MAP7D2: variants seen among roughly 807,000 people sequenced by gnomAD.
The protein encoded by MAP7D2 is MAP7 domain-containing protein 2.
In MAP7D2, 33 loss-of-function variants were observed where a neutral mutation model predicts 63.5. The observed-to-expected ratio is 0.52, with a 90% confidence interval of 0.39 to 0.70. MAP7D2 has a LOEUF of 0.70. Ranked by LOEUF, MAP7D2 falls within the 30% of genes least tolerant of loss-of-function variation. MAP7D2 has a pLI of 0.00. For synonymous variants in MAP7D2, 224 were observed against 223.7 expected, an observed-to-expected ratio of 1.00 and a Z score of -0.01; for missense variants, 626 against 604.0, an observed-to-expected ratio of 1.04 and a Z score of -0.38.
At chrX:20,044,315 G>C (rs376906184) in intron 7 of MAP7D2, 49 bp downstream of exon 7, 1 of 1,158,583 alleles carries the variant, frequency 8.6e-7, no homozygotes, top group Non-Finnish European at 1.2e-6. Flanking sequence ...CACACCATCA[G>C]ACAGAACACA....
At position 20,054,613 on chromosome X, in the gene MAP7D2, G is replaced by C. The variant is rs192877360; in HGVS notation, c.485-1625C>G. On this transcript the variant is annotated intron_variant, in intron 4 of 16. Coordinates refer to ENST00000379643, the MANE Select transcript of MAP7D2 (RefSeq NM_001168465.2). ...TTTTTTCTTTTTTTTTCAAGACAGA[G>C]TCTTGCTCCGTTGCCCAGGCTGGAG... Among the ~76,000 whole-genome samples the C allele has an allele frequency of 4.3e-3, 474 of 109,754 alleles. 4 individuals carry two copies. Among genetic ancestry groups the C allele is most frequent in the African/African-American group, 0.015 (455 of 30,119 alleles).
At chrX:20,030,812 G>C (rs2074023916) in intron 8 of MAP7D2, among the ~76,000 whole-genome samples, 3 of 111,395 alleles carry the variant, frequency 2.7e-5, no homozygotes, top group Non-Finnish European at 5.6e-5. Context: ...AGTAATCAAA[G>C]TTAATATCAC....
At chrX:20,103,937 A>G (rs2066501731) in intron 1 of MAP7D2, among the ~76,000 whole-genome samples, 1 of 111,973 alleles carries the variant, frequency 8.9e-6, no homozygotes, top group Non-Finnish European at 1.9e-5. Flanking sequence ...ACTATGTACC[A>G]CAAAGGACAT....
At position 20,011,019 on chromosome X, in the gene MAP7D2, C is replaced by T. The variant is rs1194709199; in HGVS notation, c.2106G>A (p.Pro702=). Residue 702 remains proline (P), a synonymous_variant, in exon 16 of 17, where the codon CCG becomes CCA. Coordinates refer to ENST00000379643, the MANE Select transcript of MAP7D2 (RefSeq NM_001168465.2). ...TCATTTCACTCACTGGTGAAAATTC[C>T]GGGATAGAGATAAGCTCTTCTTTTG... is the stretch of plus-strand genomic sequence containing the variant. ...PVSKEELISI[P]EFSPVSEMIP... 1.7e-6 allele frequency: 2 copies of T among 1,209,662 alleles called. No homozygotes were observed. Among genetic ancestry groups the T allele is most frequent in the Admixed American group, 2.2e-5 (1 of 45,928 alleles).
At chrX:20,111,480 C>T (rs903799925) in intron 1 of MAP7D2, among the ~76,000 whole-genome samples, 1 of 111,439 alleles carries the variant, frequency 9.0e-6, no homozygotes, top group Non-Finnish European at 1.9e-5. Context: ...ACCTCTAATG[C>T]ATGAAGACCC....
intron 4 of MAP7D2, among the ~76,000 whole-genome samples, chrX:20,055,455 G>T (rs1318351095): frequency 8.9e-6 from 1 of 111,886 alleles, no homozygotes; most frequent in Admixed American, 9.5e-5. Flanking sequence ...AAAGATCTGA[G>T]TGTGCAAAAA....
At chrX:20,045,602 C>T (rs1412928783) in intron 6 of MAP7D2, among the ~76,000 whole-genome samples, 1 of 103,387 alleles carries the variant, frequency 9.7e-6, no homozygotes, top group African/African-American at 3.5e-5. Flanking sequence ...TATGCTGATT[C>T]TTCCAAGTTC....
At chrX:20,053,128 C>T (rs1387268156) in intron 4 of MAP7D2, 140 bp from the exon 5 acceptor site, 2 of 462,593 alleles carry the variant, frequency 4.3e-6, no homozygotes, top group Non-Finnish European at 7.6e-6. Context: ...TTTCATCATC[C>T]TGGCATCTCA....
rs200491241 is a variant in MAP7D2 at position 20,056,715 on chromosome X, C to T, written c.449G>A (p.Gly150Glu). ...QLELKKKYSW[G>E]APLAIGPGGH... is the part of the protein sequence containing the mutation. The stretch of plus-strand genomic sequence containing the variant: ...TCCGGGTCCAATGGCCAGTGGTGCT[C>T]CCCACGAATACTTCTTTTTCAGCTC... The change falls in exon 4 of 17, where the codon GGA (glycine) becomes GAA (glutamate). Residue 150 changes from glycine to glutamate, a missense_variant. By Grantham distance (98) the Gly-to-Glu change is moderately conservative. Transcript: ENST00000379643. 2 of 1,209,763 alleles carry T rather than the reference C, an allele frequency of 1.7e-6. No homozygotes were observed. Among genetic ancestry groups the T allele is most frequent in the East Asian group, 3.0e-5 (1 of 33,758 alleles).
intron 1 of MAP7D2, among the ~76,000 whole-genome samples, chrX:20,094,493 T>C (rs1483114564): frequency 4.0e-4 from 7 of 17,512 alleles, no homozygotes; most frequent in East Asian, 3.4e-3. Flanking sequence ...CATACATATA[T>C]ATATATATAT....
At chrX:20,104,968 T>TG (rs1249929220) in intron 1 of MAP7D2, among the ~76,000 whole-genome samples, 1 of 112,184 alleles carries the variant, frequency 8.9e-6, no homozygotes, top group Non-Finnish European at 1.9e-5. Flanking sequence ...AGGAATCCCA[T>TG]GGGGGGCTGT....
intron 8 of MAP7D2, among the ~76,000 whole-genome samples, chrX:20,035,012 G>C (rs992958933): frequency 9.0e-6 from 1 of 111,419 alleles, no homozygotes; most frequent in African/African-American, 3.3e-5. Flanking sequence ...ACCTTATCCA[G>C]CTACTCCCTT....
At chrX:20,100,226 G>A (rs1603405603) in intron 1 of MAP7D2, among the ~76,000 whole-genome samples, 1 of 112,225 alleles carries the variant, frequency 8.9e-6, no homozygotes, top group Non-Finnish European at 1.9e-5. Flanking sequence ...TTGCAATAAA[G>A]CTATCACTGG....
chrX:20,107,046 G>A (rs970465931), intron 1 of MAP7D2, among the ~76,000 whole-genome samples: 5 of 110,924 alleles, frequency 4.5e-5, no homozygotes, highest in African/African-American at 1.6e-4. Flanking sequence ...TAGTAATGAC[G>A]GCAAGGGCGG....
intron 4 of MAP7D2, chrX:20,055,667 G>A: frequency 1.6e-6 from 1 of 631,103 alleles, no homozygotes; most frequent in Admixed American, 3.6e-5. Flanking sequence ...ACGCAGACAT[G>A]GTGATGGGGG....
rs751730502 is a variant in MAP7D2, at chrX:20,044,516, C to T, written c.727G>A (p.Val243Ile). 3.3e-6 allele frequency: 4 copies of T among 1,207,166 alleles called. No homozygotes were observed. The East Asian group carries it at 8.9e-5, about 27-fold the overall frequency. ...SGQANDSVFH[V>I]CPRLAPLGPL... is the part of the protein sequence containing the mutation. The stretch of plus-strand genomic sequence containing the variant: ...CCAAGAGGAGCTAAACGAGGACAGA[C>T]ATGGAATACTAGAAAGTTACAGTAT... The change falls in exon 7 of 17, where the codon GTC (valine) becomes ATC (isoleucine). Residue 243 changes from valine to isoleucine, a missense_variant. By Grantham distance (29) the Val-to-Ile change is conservative. Transcript: ENST00000379643.
At chrX:20,102,402 A>G (rs1205566757) in intron 1 of MAP7D2, among the ~76,000 whole-genome samples, 1 of 110,896 alleles carries the variant, frequency 9.0e-6, no homozygotes, top group African/African-American at 3.3e-5. Context: ...CCAGGTGAAG[A>G]GAACAGCATG....
intron 6 of MAP7D2, among the ~76,000 whole-genome samples, chrX:20,046,413 A>G (rs1352933514): frequency 8.9e-6 from 1 of 112,300 alleles, no homozygotes; most frequent in East Asian, 2.8e-4. Context: ...AGGCAATGTG[A>G]CTCTTTCAGC....
intron 1 of MAP7D2, among the ~76,000 whole-genome samples, chrX:20,098,109 C>T (rs1353030804): frequency 2.7e-5 from 3 of 111,686 alleles, no homozygotes; most frequent in Non-Finnish European, 5.6e-5. Context: ...ACTGGCTACA[C>T]GGATGATAAG....
Sources: allele counts gnomAD v4.1 joint callset (sites outside exome capture counted in the v4.1 genomes callset), GRCh38; gene constraint gnomAD v4.1.1; transcripts MANE v1.5; gene names NCBI Gene and HGNC (gene_info 2026-07-23, HGNC 2026-07-21).